LRFN2: variants seen among roughly 807,000 people sequenced by gnomAD.
LRFN2 encodes leucine-rich repeat and fibronectin type-III domain-containing protein 2.
In LRFN2, 18 loss-of-function variants were observed where a neutral mutation model predicts 37.3. The ratio of observed to expected loss-of-function variants is 0.48; its 90% CI spans 0.33 to 0.72. LRFN2 has a LOEUF of 0.72. Among genes scored for constraint, LRFN2 ranks in the 30% least tolerant of loss-of-function variants. The probability of loss-of-function intolerance (pLI) is 0.02; values close to 1 mark genes in which losing one functional copy is unlikely to be tolerated. For synonymous variants in LRFN2, 556 were observed against 466.6 expected (o/e 1.19, Z -2.47); for missense variants, 1,006 against 1,060.7 (o/e 0.95, Z 0.72).
Position 40,439,495 on chromosome 6 carries a change from G to A in LRFN2, c.-18-6364C>T, listed in dbSNP as rs561145631. Among the ~76,000 whole-genome samples, 7 of 152,276 alleles carry A rather than the reference G, an allele frequency of 4.6e-5. No individual in the cohort carries two copies. In the South Asian group the frequency reaches 1.0e-3, roughly 23 times the overall value. On this transcript the variant is annotated intron_variant, in intron 1 of 2. Coordinates refer to ENST00000338305, the MANE Select transcript of LRFN2 (RefSeq NM_020737.3). ...GAAACTTGAGTTCCACTTGTATGGG[G>A]GCATACAAGCCCAGAAACATGCTGC...
chr6:40,547,137 T>C (rs1220136886), intron 1 of LRFN2, among the ~76,000 whole-genome samples: 34 of 151,088 alleles, frequency 2.3e-4, no homozygotes, highest in Non-Finnish European at 1.9e-4. Flanking sequence ...AGAGTTTTGC[T>C]CTTGTCACCC....
chr6:40,562,969 G>A (rs994129719), intron 1 of LRFN2, among the ~76,000 whole-genome samples: 1 of 152,098 alleles, frequency 6.6e-6, no homozygotes, highest in Non-Finnish European at 1.5e-5. Flanking sequence ...ATGGCGGTGT[G>A]GGGGTCAGTT....
At chr6:40,538,982 T>C (rs1021132994) in intron 1 of LRFN2, among the ~76,000 whole-genome samples, 15 of 152,330 alleles carry the variant, frequency 9.8e-5, no homozygotes, top group African/African-American at 3.6e-4. Context: ...TGTTCTGGTC[T>C]TTTCACACCC....
rs846507 is a variant in LRFN2 at position 40,561,981 on chromosome 6, G to A, written c.-19+24960C>T. Among the ~76,000 whole-genome samples, 212 of 152,290 alleles carry A rather than the reference G, an allele frequency of 1.4e-3. 2 individuals carry two copies. Among genetic ancestry groups the A allele is most frequent in the African/African-American group, 4.8e-3 (201 of 41,566 alleles). ...TCTTATTCAGCCCCACGGCCCCAGTGTCTGGCTCATAGCAGGTATTCTAGA... is the reference window on the plus strand; with the variant it reads ...TCTTATTCAGCCCCACGGCCCCAGTATCTGGCTCATAGCAGGTATTCTAGA... On this transcript the variant is annotated intron_variant, in intron 1 of 2. Transcript: ENST00000338305.
intron 1 of LRFN2, among the ~76,000 whole-genome samples, chr6:40,584,785 G>T (rs116193877): frequency 6.6e-6 from 1 of 151,360 alleles, no homozygotes; most frequent in Non-Finnish European, 1.5e-5. Context: ...AAGAGGCTTG[G>T]CAAACTGGCA....
intron 1 of LRFN2, among the ~76,000 whole-genome samples, chr6:40,573,175 C>T (rs146943996): frequency 6.6e-6 from 1 of 152,222 alleles, no homozygotes; most frequent in Non-Finnish European, 1.5e-5. Flanking sequence ...AATTTGGCCT[C>T]TCTGAGCCTC....
chr6:40,554,406 G>A (rs780431528), intron 1 of LRFN2, among the ~76,000 whole-genome samples: 3 of 152,176 alleles, frequency 2.0e-5, no homozygotes, highest in Non-Finnish European at 4.4e-5. Flanking sequence ...TGGATGGAGG[G>A]AAGGGTGGAT....
At chr6:40,548,808 C>A (rs565499272) in intron 1 of LRFN2, among the ~76,000 whole-genome samples, 1 of 152,290 alleles carries the variant, frequency 6.6e-6, no homozygotes, top group Non-Finnish European at 1.5e-5. Flanking sequence ...GCTAGAGCTG[C>A]TATAGCCATC....
At position 40,541,842 on chromosome 6, in the gene LRFN2, A is replaced by T. The variant is rs111333921; in HGVS notation, c.-19+45099T>A. ...GTCTTCCAGCACCCCCTCCCCATAGACACATGCCCAACAGTTGGTTTCTGG... is the reference window on the plus strand; with the variant it reads ...GTCTTCCAGCACCCCCTCCCCATAGTCACATGCCCAACAGTTGGTTTCTGG... On this transcript the variant is annotated intron_variant, in intron 1 of 2. Coordinates refer to ENST00000338305, the MANE Select transcript of LRFN2 (RefSeq NM_020737.3). 3.9e-3 allele frequency among the ~76,000 whole-genome samples: 600 copies of T among 152,232 alleles called. 6 individuals carry two copies. Among genetic ancestry groups the T allele is most frequent in the African/African-American group, 0.013 (559 of 41,528 alleles).
At chr6:40,414,185 G>C (rs1166555409) in intron 2 of LRFN2, among the ~76,000 whole-genome samples, 3 of 152,068 alleles carry the variant, frequency 2.0e-5, no homozygotes, top group Non-Finnish European at 4.4e-5. Context: ...TCCTAACCTA[G>C]GAAAGAATCG....
intron 1 of LRFN2, among the ~76,000 whole-genome samples, chr6:40,580,900 C>T (rs889370752): frequency 2.6e-5 from 4 of 151,978 alleles, no homozygotes; most frequent in Non-Finnish European, 5.9e-5. Context: ...TGTATGTGAA[C>T]GTATGTGTTA....
intron 1 of LRFN2, among the ~76,000 whole-genome samples, chr6:40,575,854 G>A (rs2113797060): frequency 6.6e-6 from 1 of 152,128 alleles, no homozygotes; most frequent in East Asian, 1.9e-4. Context: ...TGTGACTTTG[G>A]GCAAGCTACT....
At chr6:40,484,426 T>C (rs1180746432) in intron 1 of LRFN2, among the ~76,000 whole-genome samples, 3 of 152,200 alleles carry the variant, frequency 2.0e-5, no homozygotes, top group Admixed American at 2.0e-4. Context: ...TCCTGGCAGC[T>C]TCTTCAGAGG....
At chr6:40,473,658 C>T (rs945434583) in intron 1 of LRFN2, among the ~76,000 whole-genome samples, 9 of 152,138 alleles carry the variant, frequency 5.9e-5, no homozygotes, top group Admixed American at 2.0e-4. Context: ...TGGTGGTTTG[C>T]TGCATCTATC....
intron 1 of LRFN2, 131 bp from the exon 2 acceptor site, chr6:40,433,262 T>C (rs551727005): frequency 1.4e-5 from 9 of 647,356 alleles, no homozygotes; most frequent in African/African-American, 1.1e-4. Context: ...AAGCAAGACC[T>C]AATCTCTTCC....
chr6:40,435,776 G>T (rs549299025), intron 1 of LRFN2, among the ~76,000 whole-genome samples: 1 of 152,246 alleles, frequency 6.6e-6, no homozygotes, highest in African/African-American at 2.4e-5. Flanking sequence ...CTGACCTTGT[G>T]ATCCGCCCGT....
chr6:40,463,194 C>T (rs192041081), intron 1 of LRFN2, among the ~76,000 whole-genome samples: 164 of 152,282 alleles, frequency 1.1e-3, no homozygotes, highest in African/African-American at 3.7e-3. Context: ...GGAAAATAAA[C>T]TTCTATTGTA....
At chr6:40,509,018 C>T (rs1053776433) in intron 1 of LRFN2, among the ~76,000 whole-genome samples, 1 of 152,202 alleles carries the variant, frequency 6.6e-6, no homozygotes, top group African/African-American at 2.4e-5. Flanking sequence ...GGGGCCTATC[C>T]TCCTTCCACC....
Position 40,521,684 on chromosome 6 carries a change from G to A in LRFN2, c.-19+65257C>T, listed in dbSNP as rs968296943. Among the ~76,000 whole-genome samples the A allele has an allele frequency of 2.6e-5, 4 of 152,160 alleles. No homozygotes were observed. In the East Asian group the frequency reaches 7.7e-4, roughly 29 times the overall value. ...GGCAGGGAGGTGTCCAGACAAGGAG[G>A]TTCTAGCTCAGGCTGGGCTGTACTG... On this transcript the variant is annotated intron_variant, in intron 1 of 2. Coordinates refer to ENST00000338305, the MANE Select transcript of LRFN2 (RefSeq NM_020737.3).
Sources: allele counts gnomAD v4.1 joint callset (sites outside exome capture counted in the v4.1 genomes callset), GRCh38; gene constraint gnomAD v4.1.1; transcripts MANE v1.5; gene names NCBI Gene and HGNC (gene_info 2026-07-23, HGNC 2026-07-21).